The following ABCA7 variants were observed in gnomAD, a reference collection of about 807,000 sequenced individuals.
The protein encoded by ABCA7 is ATP binding cassette subfamily A member 7.
Under a neutral mutation model 227.6 loss-of-function variants are expected in ABCA7, and 261 were observed. The ratio of observed to expected loss-of-function variants is 1.15; its 90% CI spans 1.04 to 1.27. The LOEUF (loss-of-function observed/expected upper bound fraction) is 1.27, where lower values mean the gene tolerates loss of function less well. Ranked by LOEUF, ABCA7 falls within the 50% of genes most tolerant of loss-of-function variation. The pLI is 0.00. For missense variants in ABCA7, 3,331 were observed against 2,924.5 expected, an observed-to-expected ratio of 1.14 and a Z score of -3.21; for synonymous variants, 1,488 against 1,279.7, an observed-to-expected ratio of 1.16 and a Z score of -3.47.
chr19:1,041,347 C>G lies in ABCA7; in HGVS notation c.-15C>G, dbSNP rs2040013700. 1.9e-6 allele frequency: 3 copies of G among 1,613,920 alleles called. No individual in the cohort carries two copies. The highest frequency in any genetic ancestry group is 2.7e-5 in the African/African-American group (2 of 75,046). On this transcript the variant is annotated 5_prime_UTR_variant, in exon 2 of 47. Transcript: ENST00000263094. Reference sequence around the variant, plus strand: ...TGTCCTGACCTCTCTGTCCCGTCCCCTGCCCAGTCTCACCATGGCCTTCTG... The same window carrying G: ...TGTCCTGACCTCTCTGTCCCGTCCCGTGCCCAGTCTCACCATGGCCTTCTG...
chr19:1,051,316 G>T, intron 20 of ABCA7, 22 bp downstream of exon 20: 1 of 1,563,460 alleles, frequency 6.4e-7, no homozygotes, highest in East Asian at 2.3e-5. Context: ...CCCAAGGGAG[G>T]TCACCTCACA....
chr19:1,052,006 C>T lies in ABCA7; in HGVS notation c.3027C>T (p.Ala1009=), dbSNP rs3764652. 0.43 allele frequency: 690,204 copies of T among 1,611,762 alleles called. 149,097 individuals are homozygous for T. Among genetic ancestry groups the T allele is most frequent in the South Asian group, 0.46 (41,507 of 91,052 alleles). The change falls in exon 22 of 47, where the codon GCC becomes GCT. Residue 1009 remains alanine (A), a synonymous_variant. Transcript: ENST00000263094. ...CAGAGCTGCTGGGAGACCGTGTGGC[C>T]GTGGTGGCAGGTGGCCGCTTGTGCT... The part of the protein sequence containing the change: ...DEAELLGDRV[A]VVAGGRLCCC...
rs141428162 is a variant in ABCA7 at position 1,046,240 on chromosome 19, C to G, written c.1456C>G (p.Pro486Ala). Residue 486 changes from proline to alanine, a missense_variant, in exon 13 of 47, where the codon CCT (proline) becomes GCT (alanine). Physicochemically the swap from Pro to Ala is conservative, Grantham distance 27. Coordinates refer to ENST00000263094, the MANE Select transcript of ABCA7 (RefSeq NM_019112.4). The part of the protein sequence containing the change: ...TNKIRDRFWD[P>A]GPAADPLTDL... The stretch of plus-strand genomic sequence containing the variant: ...ATGCCCCTCTCGCAGGTTTTGGGAC[C>G]CTGGCCCAGCCGCGGACCCCCTGAC... The G allele has an allele frequency of 2.9e-4, 466 of 1,607,024 alleles. 1 individual carries two copies. Among genetic ancestry groups the G allele is most frequent in the South Asian group, 3.5e-4 (32 of 91,068 alleles).
At position 1,042,906 on chromosome 19, in the gene ABCA7, C is replaced by G. The variant is rs547075650; in HGVS notation, c.579+80C>G. On this transcript the variant is annotated intron_variant, in intron 7 of 46. Transcript: ENST00000263094. The stretch of plus-strand genomic sequence containing the variant: ...TGCGCCGGGAGGGTCTGGGGCAGCC[C>G]GGGCACTTCCCTTGGGTGGGTTTTC... 2.8e-4 allele frequency: 425 copies of G among 1,512,850 alleles called. 5 individuals are homozygous for G. The South Asian group carries it at 4.6e-3, about 17-fold the overall frequency. The allele number at this position is 1,512,850 out of a possible 1,614,324, so 93.7% of individuals were successfully genotyped here. A position where few individuals can be genotyped will look rare whatever the true frequency, so the allele number is the denominator to read the frequency against.
intron 42 of ABCA7, among the ~76,000 whole-genome samples, chr19:1,062,846 C>T (rs1599726278): frequency 6.6e-6 from 1 of 151,094 alleles, no homozygotes. Context: ...GCTCCATACC[C>T]ATCCCAGCTC....
intron 24 of ABCA7, 76 bp from the exon 25 acceptor site, chr19:1,053,712 G>A: frequency 6.4e-7 from 1 of 1,561,380 alleles, no homozygotes; most frequent in African/African-American, 1.4e-5. Context: ...CCATGGTGTA[G>A]GAGGGGTGGG....
chr19:1,048,741 G>A (rs1054450245), intron 16 of ABCA7, among the ~76,000 whole-genome samples, 154 bp from the exon 17 acceptor site: 4 of 150,594 alleles, frequency 2.7e-5, no homozygotes, highest in African/African-American at 4.9e-5. Flanking sequence ...CTGGGGAGGC[G>A]GAGCTTGCAG....
chr19:1,057,492 C>A, intron 35 of ABCA7, 63 bp downstream of exon 35: 1 of 1,463,884 alleles, frequency 6.8e-7, no homozygotes, highest in Non-Finnish European at 9.6e-7. Context: ...CACATTAATG[C>A]TGCTGAGATA....
At position 1,054,564 on chromosome 19, in the gene ABCA7, C is replaced by T. The variant is rs189260652; in HGVS notation, c.3727-6C>T. 1.4e-3 allele frequency: 2,237 copies of T among 1,607,518 alleles called. 5 individuals carry two copies. Among genetic ancestry groups the T allele is most frequent in the Non-Finnish European group, 1.5e-3 (1,712 of 1,176,716 alleles). On this transcript the variant is annotated splice_region_variant and splice_polypyrimidine_tract_variant and intron_variant, in intron 27 of 46. Transcript: ENST00000263094. This position sits in a 1 kb window ranked among gnomAD's most constrained non-coding sequence, Gnocchi z 4.8. ...GGAAGCAGCAGCTGATGGGCTGGTCCCCCAGATCGTGCTGCCTGCCCTCTT... is the reference window on the plus strand; with the variant it reads ...GGAAGCAGCAGCTGATGGGCTGGTCTCCCAGATCGTGCTGCCTGCCCTCTT...
chr19:1,051,455 T>G lies in ABCA7; in HGVS notation c.2831T>G (p.Met944Arg). Residue 944 changes from methionine (M) to arginine (R), a missense_variant, in exon 21 of 47, where the codon ATG becomes AGG. Coordinates refer to ENST00000263094, the MANE Select transcript of ABCA7 (RefSeq NM_019112.4). ...SVQTRHLSGG[M>R]QRKLSVAIAF... ...CCTTCCCCATCTCTACCAGGTGGGATGCAACGGAAGCTGTCCGTGGCCATT... is the reference window on the plus strand; with the variant it reads ...CCTTCCCCATCTCTACCAGGTGGGAGGCAACGGAAGCTGTCCGTGGCCATT... 6.2e-7 allele frequency: 1 copy of G among 1,611,976 alleles called. No homozygotes were observed. Among genetic ancestry groups the G allele is most frequent in the Non-Finnish European group, 8.5e-7 (1 of 1,179,580 alleles).
chr19:1,048,820 AAAAC>A (rs1163905449), intron 16 of ABCA7, 71 bp from the exon 17 acceptor site: 270 of 855,260 alleles, frequency 3.2e-4, no homozygotes, highest in East Asian at 1.3e-3. Context: ...AAAAAAAAAA[AAAAC>A]AAAACCCCAA....
intron 35 of ABCA7, 138 bp from the exon 36 acceptor site, chr19:1,057,770 AGAGAAAG>A: frequency 1.7e-6 from 2 of 1,163,924 alleles, no homozygotes; most frequent in Non-Finnish European, 2.4e-6. Flanking sequence ...AAAGAGAAAG[AGAGAAAG>A]AAAAAAAAAA....
At chr19:1,050,721 A>G (rs2144805710) in intron 18 of ABCA7, among the ~76,000 whole-genome samples, 200 bp from the exon 19 acceptor site, 2 of 150,882 alleles carry the variant, frequency 1.3e-5, no homozygotes, top group Middle Eastern at 3.4e-3. Flanking sequence ...TGGAGCTTGC[A>G]GTGAGCCGAG....
chr19:1,058,404 G>A (rs1242217783), intron 37 of ABCA7, 135 bp downstream of exon 37: 1 of 1,452,618 alleles, frequency 6.9e-7, no homozygotes, highest in Non-Finnish European at 9.1e-7. Flanking sequence ...CCTAAGGTTG[G>A]GCCAAGTTGG....
chr19:1,046,672 G>C, intron 13 of ABCA7, 130 bp from the exon 14 acceptor site: 1 of 1,173,544 alleles, frequency 8.5e-7, no homozygotes, highest in South Asian at 1.5e-5. Context: ...GCTGGATCAG[G>C]TTCCAAGGAA....
At position 1,051,551 on chromosome 19, in the gene ABCA7, G is replaced by T; in HGVS notation, c.2927G>T (p.Arg976Leu). 1 of 1,612,590 alleles carries T rather than the reference G, an allele frequency of 6.2e-7. No homozygotes were observed. The highest frequency in any genetic ancestry group is 2.2e-5 in the East Asian group (1 of 44,888). ...GCTGGCGTGGATCCTGCTTCCCGCC[G>T]CGGTATTTGGGAGCTGCTGCTCAAA... ...PTAGVDPASR[R>L]GIWELLLKYR... Residue 976 changes from arginine (R) to leucine (L), a missense_variant, in exon 21 of 47, where the codon CGC (arginine) becomes CTC (leucine). Coordinates refer to ENST00000263094, the MANE Select transcript of ABCA7 (RefSeq NM_019112.4).
In ABCA7 at chr19:1,054,645, G is replaced by T; in HGVS notation, c.3802G>T (p.Ala1268Ser). ...CGTGCCTCCTTTCGGGCACTACCCG[G>T]CTCTGCGGCTCAGTCCCACCATGTA... ...LIVPPFGHYP[A>S]LRLSPTMYGA... is the part of the protein sequence containing the mutation. Residue 1268 changes from alanine (A) to serine (S), a missense_variant, in exon 28 of 47, where the codon GCT becomes TCT. Physicochemically the swap from Ala to Ser is moderately conservative, Grantham distance 99 (BLOSUM62 1). Coordinates refer to ENST00000263094, the MANE Select transcript of ABCA7 (RefSeq NM_019112.4). The surrounding 1 kb of genome is among the most constrained non-coding windows in gnomAD (Gnocchi z 4.8). 1 of 1,613,368 alleles carries T rather than the reference G, an allele frequency of 6.2e-7. No individual in the cohort carries two copies. Among genetic ancestry groups the T allele is most frequent in the Admixed American group, 1.7e-5 (1 of 60,008 alleles).
At chr19:1,048,808 C>CAAA (rs375803635) in intron 16 of ABCA7, 87 bp from the exon 17 acceptor site, 1,214 of 495,390 alleles carry the variant, frequency 2.5e-3, no homozygotes, top group East Asian at 6.4e-3. Context: ...GACTCCGTCT[C>CAAA]AAAAAAAAAA....
In ABCA7 at chr19:1,042,843, A is replaced by G. The variant is rs1230688495; in HGVS notation, c.579+17A>G. 6.4e-7 allele frequency: 1 copy of G among 1,559,776 alleles called. No homozygotes were observed. The highest frequency in any genetic ancestry group is 1.2e-5 in the South Asian group (1 of 85,536). On this transcript the variant is annotated intron_variant, in intron 7 of 46. Coordinates refer to ENST00000263094, the MANE Select transcript of ABCA7 (RefSeq NM_019112.4). ...GCCCAGGAGGTACGAGGCCCCACTC[A>G]TCCTCAACCCCCATGGAGGCAACGT...
Sources: allele counts gnomAD v4.1 joint callset (sites outside exome capture counted in the v4.1 genomes callset), GRCh38; gene constraint gnomAD v4.1.1; non-coding constraint Gnocchi (gnomAD v3.1); transcripts MANE v1.5; gene names NCBI Gene and HGNC (gene_info 2026-07-23, HGNC 2026-07-21).